ABCC4: variants seen among roughly 807,000 people sequenced by gnomAD.
ABCC4 encodes the protein ATP binding cassette subfamily C member 4 (PEL blood group).
Under a neutral mutation model 168.5 loss-of-function variants are expected in ABCC4, and 102 were observed. The ratio of observed to expected loss-of-function variants is 0.61; its 90% confidence interval spans 0.52 to 0.71. The LOEUF (loss-of-function observed/expected upper bound fraction) is 0.71. Among genes scored for constraint, ABCC4 ranks in the 30% least tolerant of loss-of-function variants. ABCC4 has a pLI of 0.00. For missense variants in ABCC4, 1,402 were observed against 1,605.8 expected (o/e 0.87, Z 2.17); for synonymous variants, 617 against 590.7 (o/e 1.04, Z -0.65).
In ABCC4 at chr13:95,164,497, G is replaced by A. The variant is rs200541662; in HGVS notation, c.2056C>T (p.Leu686=). The change falls in exon 16 of 31, where the codon CTA becomes TTA. Residue 686 remains leucine (L), a synonymous_variant. Transcript: ENST00000645237. The part of the protein sequence containing the change: ...SQDTENVPVT[L]SEENRSEGKV... Reference sequence around the variant, plus strand: ...CCTTCAGAACGGTTCTCCTCTGATAGTGTAACTGGGACATTCTCTGTCTGC... The same window carrying A: ...CCTTCAGAACGGTTCTCCTCTGATAATGTAACTGGGACATTCTCTGTCTGC... The A allele has an allele frequency of 2.3e-5, 37 of 1,614,104 alleles. No individual in the cohort carries two copies. In the Admixed American group the frequency reaches 6.0e-4, roughly 26 times the overall value.
In ABCC4 at chr13:95,247,075, A is replaced by G; in HGVS notation, c.206T>C (p.Leu69Ser). 6.2e-7 allele frequency: 1 copy of G among 1,613,764 alleles called. No individual in the cohort carries two copies. Among genetic ancestry groups the G allele is most frequent in the Non-Finnish European group, 8.5e-7 (1 of 1,179,778 alleles). The part of the protein sequence containing the change: ...ELQGFWDKEV[L>S]RAENDAQKPS... ...CTTCTGTGCGTCATTCTCAGCTCTT[A>G]AAACTTCTTTATCCCAGAACCTACA... The change falls in exon 3 of 31, where the codon TTA becomes TCA. Residue 69 changes from leucine to serine, a missense_variant. Around this residue, in one of 3 missense-constraint regions of ABCC4, gnomAD observed 317 missense variants for 345.5 expected, o/e 0.92. Transcript: ENST00000645237.
At chr13:95,036,659 T>C (rs1391011149) in intron 29 of ABCC4, among the ~76,000 whole-genome samples, 2 of 152,204 alleles carry the variant, frequency 1.3e-5, no homozygotes, top group Non-Finnish European at 2.9e-5. Flanking sequence ...AGGAGAGTTT[T>C]TGAGTTTAGG....
chr13:95,271,586 A>G (rs2040848560), intron 1 of ABCC4, among the ~76,000 whole-genome samples: 1 of 152,238 alleles, frequency 6.6e-6, no homozygotes, highest in Non-Finnish European at 1.5e-5. Flanking sequence ...TCCGGTATTT[A>G]TGAATGTCAC....
chr13:95,025,982 T>C (rs1173236454), intron 30 of ABCC4, among the ~76,000 whole-genome samples: 8 of 151,968 alleles, frequency 5.3e-5, no homozygotes, highest in Non-Finnish European at 1.2e-4. Flanking sequence ...TTTGGGAGGC[T>C]GAGGTGGGAG....
chr13:95,230,071 C>T (rs1253127082), intron 4 of ABCC4, among the ~76,000 whole-genome samples: 3 of 152,220 alleles, frequency 2.0e-5, no homozygotes, highest in African/African-American at 7.2e-5. Context: ...TGACTGACGA[C>T]ATTCTAACAT....
intron 3 of ABCC4, among the ~76,000 whole-genome samples, chr13:95,241,932 C>T (rs1046733920): frequency 1.3e-5 from 2 of 152,084 alleles, no homozygotes; most frequent in African/African-American, 2.4e-5. Flanking sequence ...GAGGAATTAA[C>T]CCATCTGTGC....
intron 26 of ABCC4, among the ~76,000 whole-genome samples, chr13:95,060,724 T>C (rs1190893579): frequency 2.0e-5 from 3 of 152,210 alleles, no homozygotes; most frequent in African/African-American, 7.2e-5. Flanking sequence ...AAACTAAAAA[T>C]AAAAATTGTG....
chr13:95,181,331 G>A (rs1374159273), intron 11 of ABCC4, among the ~76,000 whole-genome samples: 3 of 152,250 alleles, frequency 2.0e-5, no homozygotes, highest in African/African-American at 7.2e-5. Flanking sequence ...AGGCCCCAGA[G>A]TCAGAGAGCA....
intron 20 of ABCC4, among the ~76,000 whole-genome samples, chr13:95,083,775 T>C (rs1192779068): frequency 6.6e-6 from 1 of 152,104 alleles, no homozygotes; most frequent in Non-Finnish European, 1.5e-5. Flanking sequence ...TGCCCACCTC[T>C]GCCTCCCAAA....
In ABCC4 at chr13:95,062,815, G is replaced by T. The variant is rs11568652; in HGVS notation, c.3255C>A (p.Ile1085=). The change falls in exon 26 of 31, where the codon ATC becomes ATA. Residue 1085 remains isoleucine (I), a synonymous_variant. Transcript: ENST00000645237. The part of the protein sequence containing the change: ...GRTGAGKSSL[I]SALFRLSEPE... ...GTTCTGACAATCTAAAAAGGGCTGA[G>T]ATGAGGGAACTTTTTCCAGCTCCGG... is the stretch of plus-strand genomic sequence containing the variant. 551 of 1,613,612 alleles carry T rather than the reference G, an allele frequency of 3.4e-4. 4 individuals carry two copies. In the African/African-American group the frequency reaches 6.1e-3, roughly 18 times the overall value.
At chr13:95,198,272 AC>A (rs1484703702) in intron 8 of ABCC4, among the ~76,000 whole-genome samples, 1 of 152,206 alleles carries the variant, frequency 6.6e-6, no homozygotes, top group Non-Finnish European at 1.5e-5. Flanking sequence ...AAGAAAAAAA[AC>A]AACCCCATCA....
At chr13:95,180,506 C>G (rs1445148390) in intron 11 of ABCC4, among the ~76,000 whole-genome samples, 1 of 151,818 alleles carries the variant, frequency 6.6e-6, no homozygotes, top group Non-Finnish European at 1.5e-5. Flanking sequence ...TGAGCGAGAT[C>G]GCACCATTGC....
At chr13:95,195,288 C>G (rs117368516) in intron 8 of ABCC4, among the ~76,000 whole-genome samples, 6 of 152,078 alleles carry the variant, frequency 3.9e-5, no homozygotes, top group Non-Finnish European at 4.4e-5. Flanking sequence ...ATGGTGAACA[C>G]GGGAGTTGGT....
intron 19 of ABCC4, among the ~76,000 whole-genome samples, chr13:95,119,800 C>T (rs941020303): frequency 1.8e-4 from 27 of 152,278 alleles, no homozygotes; most frequent in Admixed American, 7.8e-4. Context: ...ACATATTTTA[C>T]GTCTCATAAA....
intron 3 of ABCC4, among the ~76,000 whole-genome samples, chr13:95,241,083 G>A (rs2039928298): frequency 6.6e-6 from 1 of 152,082 alleles, no homozygotes; most frequent in African/African-American, 2.4e-5. Flanking sequence ...CCACCTCATT[G>A]GCCAGGCACG....
At chr13:95,023,438 T>G (rs961131637) in intron 30 of ABCC4, among the ~76,000 whole-genome samples, 5 of 152,136 alleles carry the variant, frequency 3.3e-5, no homozygotes, top group Non-Finnish European at 7.4e-5. Context: ...TGAAGGGAGT[T>G]GAGATTACTG....
rs114666479 is a variant in ABCC4 at position 95,297,802 on chromosome 13, T to C, written c.74+3439A>G. On this transcript the variant is annotated intron_variant, in intron 1 of 30. Coordinates refer to ENST00000645237, the MANE Select transcript of ABCC4 (RefSeq NM_005845.5). ...GATTACAGTGTCCTTGGGGCACTGT[T>C]AGGTTAATCTGTAGCTATGTGGCAA... 2.1e-3 allele frequency among the ~76,000 whole-genome samples: 326 copies of C among 151,962 alleles called. 1 individual carries two copies. The highest frequency in any genetic ancestry group is 7.6e-3 in the African/African-American group (313 of 41,408).
chr13:95,251,444 G>A (rs934269108), intron 1 of ABCC4, among the ~76,000 whole-genome samples: 1 of 152,122 alleles, frequency 6.6e-6, no homozygotes, highest in African/African-American at 2.4e-5. Context: ...TAATGGACAA[G>A]TTCAAAATTT....
intron 30 of ABCC4, among the ~76,000 whole-genome samples, chr13:95,033,950 C>A (rs1256472959): frequency 6.6e-6 from 1 of 152,136 alleles, no homozygotes; most frequent in Non-Finnish European, 1.5e-5. Context: ...CATGAACCAC[C>A]ACGCCCAGCC....
Sources: gnomAD v4.1 joint callset for allele counts (sites outside exome capture counted in the v4.1 genomes callset) on GRCh38, gnomAD v4.1.1 for gene constraint, gnomAD v4.1.1 regional missense constraint, MANE v1.5 for transcripts, NCBI Gene and HGNC (gene_info 2026-07-23, HGNC 2026-07-21) for gene names.